TERT: variants seen among roughly 807,000 people sequenced by gnomAD.
The protein encoded by TERT is telomerase reverse transcriptase.
Under a neutral mutation model 104.0 loss-of-function variants are expected in TERT, and 42 were observed. The observed-to-expected ratio is 0.40, with a 90% confidence interval of 0.32 to 0.52. The LOEUF (loss-of-function observed/expected upper bound fraction) is 0.52, where lower values mean the gene tolerates loss of function less well. Among genes scored for constraint, TERT ranks in the 20% least tolerant of loss-of-function variants. The pLI is 0.43. For synonymous variants in TERT, 781 were observed against 725.6 expected (o/e 1.08, Z -1.23); for missense variants, 1,101 against 1,610.3 (o/e 0.68, Z 5.41).
rs1436692848 is a variant in TERT at position 1,294,528 on chromosome 5, G to A, written c.358C>T (p.Arg120Cys). The A allele has an allele frequency of 1.9e-6, 3 of 1,576,254 alleles. No homozygotes were observed. Among genetic ancestry groups the A allele is most frequent in the Non-Finnish European group, 2.6e-6 (3 of 1,169,130 alleles). ...GPPEAFTTSV[R>C]SYLPNTVTDA... ...GTCACCGTGTTGGGCAGGTAGCTGC[G>A]CACGCTGGTGGTGAAGGCCTCGGGG... is the stretch of plus-strand genomic sequence containing the variant. Residue 120 changes from arginine (R) to cysteine (C), a missense_variant, in exon 2 of 16, where the codon CGC becomes TGC. By Grantham distance (180) the Arg-to-Cys change is radical. Around this residue, in one of 5 missense-constraint regions of TERT, gnomAD observed 47 missense variants for 105.3 expected, o/e 0.45. Coordinates refer to ENST00000310581, the MANE Select transcript of TERT (RefSeq NM_198253.3).
At chr5:1,280,796 C>T (rs1019556126) in intron 3 of TERT, among the ~76,000 whole-genome samples, 1 of 151,616 alleles carries the variant, frequency 6.6e-6, no homozygotes, top group Non-Finnish European at 1.5e-5. Context: ...CTCAGGGCAG[C>T]TCAGCCAAGG....
chr5:1,279,286 C>T lies in TERT; in HGVS notation c.2130+5G>A, dbSNP rs777102890. 1.3e-6 allele frequency: 2 copies of T among 1,573,430 alleles called. No homozygotes were observed. The highest frequency in any genetic ancestry group is 1.7e-6 in the Non-Finnish European group (2 of 1,161,872). On this transcript the variant is annotated splice_donor_5th_base_variant and intron_variant, in intron 5 of 15. Coordinates refer to ENST00000310581, the MANE Select transcript of TERT (RefSeq NM_198253.3). ...GGGCTGCTCACGGGGGTCCCCGGCA[C>T]CCACCTTGACAAAGTACAGCTCAGG... is the stretch of plus-strand genomic sequence containing the variant.
In TERT at chr5:1,287,430, TAA is replaced by T. The variant is rs1750560416; in HGVS notation, c.1574-4808_1574-4807del. On this transcript the variant is annotated intron_variant, in intron 2 of 15. Transcript: ENST00000310581. The surrounding 1 kb of genome is among the most constrained non-coding windows in gnomAD (Gnocchi z 4.3). ...TGAGAGGACGGCTCAGGCCAGAAGGTAAAAGTTACACTGACCTGTGATCACAC... is the reference window on the plus strand; with the variant it reads ...TGAGAGGACGGCTCAGGCCAGAAGGTAAGTTACACTGACCTGTGATCACAC... Among the ~76,000 whole-genome samples, 1 of 149,994 alleles carries T rather than the reference TAA, an allele frequency of 6.7e-6. No individual in the cohort carries two copies. Among genetic ancestry groups the T allele is most frequent in the African/African-American group, 2.5e-5 (1 of 40,558 alleles).
In TERT at chr5:1,263,966, G is replaced by A. The variant is rs543660643; in HGVS notation, c.2843+438C>T. 2.3e-4 allele frequency among the ~76,000 whole-genome samples: 35 copies of A among 152,278 alleles called. No individual in the cohort carries two copies. Among genetic ancestry groups the A allele is most frequent in the Middle Eastern group, 3.4e-3 (1 of 292 alleles). On this transcript the variant is annotated intron_variant, in intron 11 of 15. Transcript: ENST00000310581. The surrounding 1 kb of genome is among the most constrained non-coding windows in gnomAD (Gnocchi z 5.3). ...TGGGGCTCACAGCGGAGAGACTCAC[G>A]CCCAAAAGGGCCCTGAAGTCTCTGG...
At chr5:1,254,249 A>G in intron 15 of TERT, 119 bp downstream of exon 15, 1 of 1,392,500 alleles carries the variant, frequency 7.2e-7, no homozygotes, top group Middle Eastern at 1.8e-4. Context: ...CCAGGCCCCC[A>G]GGGTCAGGCC....
In TERT at chr5:1,255,884, C is replaced by A. The variant is rs866605789; in HGVS notation, c.3033-473G>T. ...GCCACCCGCCCCTGTGGTGCATAAA[C>A]CCTGGGTCTGGGGTGATGGTGTGAG... On this transcript the variant is annotated intron_variant, in intron 13 of 15. Coordinates refer to ENST00000310581, the MANE Select transcript of TERT (RefSeq NM_198253.3). The surrounding 1 kb of genome is among the most constrained non-coding windows in gnomAD (Gnocchi z 6.9). 1.3e-5 allele frequency among the ~76,000 whole-genome samples: 2 copies of A among 152,122 alleles called. No individual in the cohort carries two copies. The highest frequency in any genetic ancestry group is 2.9e-5 in the Non-Finnish European group (2 of 68,020).
intron 2 of TERT, among the ~76,000 whole-genome samples, chr5:1,290,352 A>T: frequency 1.5e-5 from 1 of 65,178 alleles, no homozygotes; most frequent in South Asian, 3.5e-4. Context: ...ACGGCACCTC[A>T]CTCACCCTAC....
intron 12 of TERT, among the ~76,000 whole-genome samples, chr5:1,259,834 G>A (rs1421182775): frequency 5.7e-5 from 8 of 141,158 alleles, no homozygotes; most frequent in East Asian, 2.2e-4. Context: ...GAGTGGACGC[G>A]GACGCCCACA....
At chr5:1,290,261 G>T (rs1235380296) in intron 2 of TERT, among the ~76,000 whole-genome samples, 2 of 63,206 alleles carry the variant, frequency 3.2e-5, no homozygotes, top group African/African-American at 1.2e-4. Context: ...CCCGGGGGCC[G>T]TGCCTCACTC....
intron 6 of TERT, among the ~76,000 whole-genome samples, chr5:1,276,470 T>A (rs1413152915): frequency 2.5e-5 from 3 of 119,900 alleles, no homozygotes; most frequent in Non-Finnish European, 3.3e-5. Flanking sequence ...ACCCCACACA[T>A]AAAAACCAAT....
rs941303776 is a variant in TERT, at chr5:1,255,158, G to T, written c.3157+129C>A. On this transcript the variant is annotated intron_variant, in intron 14 of 15. Coordinates refer to ENST00000310581, the MANE Select transcript of TERT (RefSeq NM_198253.3). This position sits in a 1 kb window ranked among gnomAD's most constrained non-coding sequence, Gnocchi z 6.9. Reference sequence around the variant, plus strand: ...GGGCGGGCAGACGAGCCTGACAGTGGTTGGGTTAAACCACTTCCTGATGCG... The same window carrying T: ...GGGCGGGCAGACGAGCCTGACAGTGTTTGGGTTAAACCACTTCCTGATGCG... The T allele has an allele frequency of 1.6e-6, 2 of 1,232,930 alleles. No homozygotes were observed. The highest frequency in any genetic ancestry group is 1.5e-5 in the African/African-American group (1 of 66,914). The allele number at this position is 1,232,930 out of a possible 1,614,324, so 76.4% of individuals were successfully genotyped here.
rs370686937 is a variant in TERT, at chr5:1,253,795, G to A, written c.3332C>T (p.Thr1111Met). The change falls in exon 16 of 16, where the codon ACG becomes ATG. Residue 1111 changes from threonine to methionine, a missense_variant. Thr to Met is a moderately conservative substitution (Grantham distance 81, BLOSUM62 -1). Transcript: ENST00000310581. ...TQLSRKLPGT[T>M]LTALEAAANP... Reference sequence around the variant, plus strand: ...GGCTGCGGCCTCCAGGGCAGTCAGCGTCGTCCCCGGGAGCTTCCGACTCAG... The same window carrying A: ...GGCTGCGGCCTCCAGGGCAGTCAGCATCGTCCCCGGGAGCTTCCGACTCAG... The A allele has an allele frequency of 2.1e-5, 34 of 1,611,692 alleles. No individual in the cohort carries two copies. In the Admixed American group the frequency reaches 2.5e-4, roughly 12 times the overall value.
Position 1,294,170 on chromosome 5 carries a change from CTGGG to C in TERT, c.712_715del (p.Pro238GlyfsTer112). On this transcript the variant is annotated frameshift_variant, in exon 2 of 16. Coordinates refer to ENST00000310581, the MANE Select transcript of TERT (RefSeq NM_198253.3). LOFTEE classifies it high-confidence loss of function. The stretch of plus-strand genomic sequence containing the variant: ...CTCCGGCTCAGGGGCAGCGCCACGC[CTGGG>C]CCTCTTGGGCAACGGCAGACTTCGG... 1 of 1,582,470 alleles carries C rather than the reference CTGGG, an allele frequency of 6.3e-7. No homozygotes were observed. Among genetic ancestry groups the C allele is most frequent in the East Asian group, 2.3e-5 (1 of 43,142 alleles).
In TERT at chr5:1,288,235, G is replaced by A. The variant is rs1341847711; in HGVS notation, c.1573+5078C>T. ...ATTTTAAGAACACTTGAAAGTGGCT[G>A]ATGTTGAGATTACTTCACATCAAAA... is the stretch of plus-strand genomic sequence containing the variant. On this transcript the variant is annotated intron_variant, in intron 2 of 15. Transcript: ENST00000310581. This position sits in a 1 kb window ranked among gnomAD's most constrained non-coding sequence, Gnocchi z 5.3. 1.3e-5 allele frequency among the ~76,000 whole-genome samples: 2 copies of A among 152,062 alleles called. No individual in the cohort carries two copies. The highest frequency in any genetic ancestry group is 2.9e-5 in the Non-Finnish European group (2 of 68,038).
rs184945680 is a variant in TERT, at chr5:1,268,078, C to A, written c.2582+442G>T. Reference sequence around the variant, plus strand: ...GGTGTGTGCGTCCTTGGGTGTAGACCCCATGCAAGTGGGATGGGCAATGGG... The same window carrying A: ...GGTGTGTGCGTCCTTGGGTGTAGACACCATGCAAGTGGGATGGGCAATGGG... On this transcript the variant is annotated intron_variant, in intron 9 of 15. Coordinates refer to ENST00000310581, the MANE Select transcript of TERT (RefSeq NM_198253.3). This position sits in a 1 kb window ranked among gnomAD's most constrained non-coding sequence, Gnocchi z 5.5. Among the ~76,000 whole-genome samples the A allele has an allele frequency of 5.1e-3, 776 of 152,272 alleles. 8 individuals are homozygous for A. The highest frequency in any genetic ancestry group is 4.6e-3 in the Non-Finnish European group (312 of 68,010).
rs35228187 is a variant in TERT at position 1,263,207 on chromosome 5, G to C, written c.2843+1197C>G. Among the ~76,000 whole-genome samples the C allele has an allele frequency of 4.8e-3, 732 of 152,284 alleles. 4 individuals carry two copies. Among genetic ancestry groups the C allele is most frequent in the African/African-American group, 0.017 (702 of 41,546 alleles). On this transcript the variant is annotated intron_variant, in intron 11 of 15. Transcript: ENST00000310581. The surrounding 1 kb of genome is among the most constrained non-coding windows in gnomAD (Gnocchi z 5.3). ...CTGGAAAGAGGCAAAGTCCAGATCT[G>C]GACTGTTAACTCAGAACGACAGGAC...
intron 6 of TERT, among the ~76,000 whole-genome samples, chr5:1,278,190 A>G (rs764875646): frequency 4.6e-5 from 7 of 152,178 alleles, no homozygotes; most frequent in Non-Finnish European, 1.0e-4. Flanking sequence ...GAGGACCCTG[A>G]ATGTGGAGCT....
Position 1,274,072 on chromosome 5 carries a change from G to T in TERT, c.2287-1792C>A, listed in dbSNP as rs1430596621. On this transcript the variant is annotated intron_variant, in intron 6 of 15. Transcript: ENST00000310581. This position sits in a 1 kb window ranked among gnomAD's most constrained non-coding sequence, Gnocchi z 5.3. ...CCCAAGACAGGATGTGAGCAGGCAC[G>T]TGACACACACTAACACGGACACAGG... 6.6e-6 allele frequency among the ~76,000 whole-genome samples: 1 copy of T among 152,220 alleles called. No individual in the cohort carries two copies. The highest frequency in any genetic ancestry group is 2.4e-5 in the African/African-American group (1 of 41,446).
At position 1,274,348 on chromosome 5, in the gene TERT, C is replaced by A. The variant is rs917089491; in HGVS notation, c.2287-2068G>T. ...GGTCGGCGGAAAGCATCACAGAAAT[C>A]CGTAATTATTCTGGACTCAACACAG... On this transcript the variant is annotated intron_variant, in intron 6 of 15. Transcript: ENST00000310581. This position sits in a 1 kb window ranked among gnomAD's most constrained non-coding sequence, Gnocchi z 5.3. Among the ~76,000 whole-genome samples, 1 of 152,198 alleles carries A rather than the reference C, an allele frequency of 6.6e-6. No homozygotes were observed. Among genetic ancestry groups the A allele is most frequent in the African/African-American group, 2.4e-5 (1 of 41,456 alleles).
Sources: allele counts gnomAD v4.1 joint callset (sites outside exome capture counted in the v4.1 genomes callset), GRCh38; gene constraint gnomAD v4.1.1; regional missense constraint gnomAD v4.1.1; non-coding constraint Gnocchi (gnomAD v3.1); transcripts MANE v1.5; gene names NCBI Gene and HGNC (gene_info 2026-07-23, HGNC 2026-07-21).